Variants in CUBN observed in about 807,000 individuals in gnomAD.
CUBN encodes the protein cubilin.
CUBN carries 282 observed loss-of-function variants against 405.3 expected under a neutral mutation model. The ratio of observed to expected loss-of-function variants is 0.70; its 90% CI spans 0.63 to 0.77. CUBN has a LOEUF of 0.77. Ranked by LOEUF, CUBN falls within the 30% of genes least tolerant of loss-of-function variation. The pLI, the probability that CUBN is intolerant of heterozygous loss-of-function variation, is 0.00. For synonymous variants in CUBN, 1,684 were observed against 1,617.0 expected, an observed-to-expected ratio of 1.04 and a Z score of -0.99; for missense variants, 4,514 against 4,475.2, an observed-to-expected ratio of 1.01 and a Z score of -0.25.
intron 31 of CUBN, among the ~76,000 whole-genome samples, chr10:16,980,512 TA>T (rs1833237387): frequency 6.6e-6 from 1 of 152,126 alleles, no homozygotes; most frequent in Non-Finnish European, 1.5e-5. Flanking sequence ...TTTGTAGCCA[TA>T]AAAAAGGATG....
intron 31 of CUBN, chr10:16,965,832 GT>G (rs968518830): frequency 3.0e-5 from 11 of 361,472 alleles, no homozygotes; most frequent in Non-Finnish European, 6.1e-5. Flanking sequence ...AAATACATTT[GT>G]TTACATTTGA....
At chr10:17,094,944 C>T (rs1319711443) in intron 14 of CUBN, among the ~76,000 whole-genome samples, 7 of 151,836 alleles carry the variant, frequency 4.6e-5, no homozygotes, top group Non-Finnish European at 8.8e-5. Context: ...AAGAAGAAAC[C>T]TGGAGGCATC....
Position 16,954,513 on chromosome 10 carries a change from A to T in CUBN, c.4731T>A (p.Leu1577=). The stretch of plus-strand genomic sequence containing the variant: ...GCTGCTCCCTTCCACACGTCCTGGC[A>T]AGGCGGGACATTGTGGAGCTTAAGC... The part of the protein sequence containing the change: ...YDGLSSTMSR[L]ARTCGREQLA... The change falls in exon 32 of 67, where the codon CTT becomes CTA. Residue 1577 remains leucine (L), a synonymous_variant. Coordinates refer to ENST00000377833, the MANE Select transcript of CUBN (RefSeq NM_001081.4). The T allele has an allele frequency of 1.2e-6, 2 of 1,613,832 alleles. No individual in the cohort carries two copies. The highest frequency in any genetic ancestry group is 1.7e-6 in the Non-Finnish European group (2 of 1,180,008).
chr10:16,862,160 T>TCACACACA lies in CUBN; in HGVS notation c.9454+7468_9454+7475dup, dbSNP rs66664283. On this transcript the variant is annotated intron_variant, in intron 59 of 66. Coordinates refer to ENST00000377833, the MANE Select transcript of CUBN (RefSeq NM_001081.4). ...GAGACTCCGTCTCTCTCTCTCTCTC[T>TCACACACA]CACACACACACACACACACACACAC... 7.9e-3 allele frequency among the ~76,000 whole-genome samples: 1,035 copies of TCACACACA among 131,178 alleles called. 21 individuals are homozygous for TCACACACA. Among genetic ancestry groups the TCACACACA allele is most frequent in the East Asian group, 0.065 (300 of 4,598 alleles). The allele number at this position is 131,178 out of a possible 152,430, so 86.1% of individuals were successfully genotyped here. A position where few individuals can be genotyped will look rare whatever the true frequency, so the allele number is the denominator to read the frequency against.
intron 28 of CUBN, among the ~76,000 whole-genome samples, chr10:16,990,835 A>G (rs3816870): frequency 0.2 from 31,038 of 152,162 alleles, 3,506 homozygotes; most frequent in Non-Finnish European, 0.25. Context: ...CTTTATTATA[A>G]TAAGGTAAGA....
intron 40 of CUBN, among the ~76,000 whole-genome samples, chr10:16,932,865 C>CCT (rs1842398232): frequency 6.6e-6 from 1 of 152,074 alleles, no homozygotes; most frequent in Non-Finnish European, 1.5e-5. Flanking sequence ...GCCTTTTTTC[C>CCT]TTATAGAAAT....
At chr10:16,831,022 G>C (rs1335067390) in intron 65 of CUBN, among the ~76,000 whole-genome samples, 2 of 151,974 alleles carry the variant, frequency 1.3e-5, no homozygotes, top group African/African-American at 4.8e-5. Context: ...GGGAGGTGGA[G>C]GTTGCAGTGA....
intron 6 of CUBN, among the ~76,000 whole-genome samples, chr10:17,120,237 G>A (rs951653520): frequency 4.6e-5 from 7 of 152,178 alleles, no homozygotes; most frequent in African/African-American, 1.4e-4. Context: ...TTCATTACAC[G>A]TGGATTCCAC....
chr10:16,862,265 G>T (rs1840042452), intron 59 of CUBN, among the ~76,000 whole-genome samples: 1 of 151,912 alleles, frequency 6.6e-6, no homozygotes, highest in Non-Finnish European at 1.5e-5. Context: ...CAGGAGTTTG[G>T]GGGACAGTCA....
intron 31 of CUBN, among the ~76,000 whole-genome samples, 190 bp downstream of exon 31, chr10:16,982,294 G>T (rs1358613742): frequency 6.6e-6 from 1 of 152,118 alleles, no homozygotes; most frequent in Non-Finnish European, 1.5e-5. Flanking sequence ...AAAACCTAGA[G>T]ATTATCTACT....
intron 2 of CUBN, 46 bp downstream of exon 2, chr10:17,129,075 G>T: frequency 6.7e-7 from 1 of 1,501,730 alleles, no homozygotes; most frequent in Non-Finnish European, 9.3e-7. Context: ...TTAAGTCACC[G>T]TATATGGATA....
chr10:17,098,851 C>G (rs1836433252), intron 14 of CUBN, among the ~76,000 whole-genome samples: 1 of 151,948 alleles, frequency 6.6e-6, no homozygotes. Flanking sequence ...ATAAATCTAA[C>G]AAAGATATGG....
intron 41 of CUBN, among the ~76,000 whole-genome samples, chr10:16,926,140 G>T (rs1842182988): frequency 6.6e-6 from 1 of 152,150 alleles, no homozygotes; most frequent in Non-Finnish European, 1.5e-5. Context: ...TTTATTGTTA[G>T]AGTTAAGTTA....
At chr10:17,034,013 A>G (rs1834836742) in intron 27 of CUBN, among the ~76,000 whole-genome samples, 1 of 152,230 alleles carries the variant, frequency 6.6e-6, no homozygotes, top group South Asian at 2.1e-4. Flanking sequence ...AACTGAAAGG[A>G]GGATACGGGA....
chr10:16,948,608 T>C lies in CUBN; in HGVS notation c.5081-2A>G. The C allele has an allele frequency of 2.5e-6, 4 of 1,613,590 alleles. No homozygotes were observed. The highest frequency in any genetic ancestry group is 3.4e-6 in the Non-Finnish European group (4 of 1,179,766). On this transcript the variant is annotated splice_acceptor_variant, in intron 34 of 66. Coordinates refer to ENST00000377833, the MANE Select transcript of CUBN (RefSeq NM_001081.4). LOFTEE classifies it high-confidence loss of function. ...GCATGTCGGTGCCACAGTAACGGCC[T>C]AAATAATGAAGATAATGACAAGGAG...
At chr10:16,997,478 G>A (rs1833768045) in intron 28 of CUBN, among the ~76,000 whole-genome samples, 1 of 149,968 alleles carries the variant, frequency 6.7e-6, no homozygotes, top group Non-Finnish European at 1.5e-5. Context: ...GGAGGACACA[G>A]AAGAGAAACT....
Position 16,833,706 on chromosome 10 carries a change from G to A in CUBN, c.10362+1308C>T, listed in dbSNP as rs191336723. ...TAAGAAGCAGAAGATGTTTTGTTGG[G>A]AACAAAGGCTGAAGCTACCAAGAAA... On this transcript the variant is annotated intron_variant, in intron 64 of 66. Coordinates refer to ENST00000377833, the MANE Select transcript of CUBN (RefSeq NM_001081.4). Among the ~76,000 whole-genome samples, 487 of 152,278 alleles carry A rather than the reference G, an allele frequency of 3.2e-3. 6 individuals carry two copies. Among genetic ancestry groups the A allele is most frequent in the Non-Finnish European group, 2.3e-3 (159 of 68,028 alleles).
At chr10:17,113,722 G>T (rs1050448655) in intron 8 of CUBN, among the ~76,000 whole-genome samples, 1 of 152,214 alleles carries the variant, frequency 6.6e-6, no homozygotes, top group African/African-American at 2.4e-5. Flanking sequence ...TGAAAGGTGG[G>T]ACTAGAGTAT....
intron 15 of CUBN, among the ~76,000 whole-genome samples, chr10:17,086,553 G>T (rs574734896): frequency 6.6e-6 from 1 of 152,190 alleles, no homozygotes; most frequent in South Asian, 2.1e-4. Flanking sequence ...TAGTAAGTAA[G>T]TACTACAATG....
Sources: gnomAD v4.1 joint callset for allele counts (sites outside exome capture counted in the v4.1 genomes callset) on GRCh38, gnomAD v4.1.1 for gene constraint, MANE v1.5 for transcripts, NCBI Gene and HGNC (gene_info 2026-07-23, HGNC 2026-07-21) for gene names.